Variants in AHI1 observed in about 807,000 individuals in gnomAD.
The protein encoded by AHI1 is Abelson helper integration site 1, also known as jouberin.
AHI1 carries 123 observed loss-of-function variants against 149.3 expected under a neutral mutation model. The observed-to-expected ratio is 0.82, with a 90% confidence interval of 0.71 to 0.96. The LOEUF is 0.96. Ranked by LOEUF, AHI1 falls within the 40% of genes least tolerant of loss-of-function variation. The pLI is 0.00. For synonymous variants in AHI1, 475 were observed against 459.8 expected, an observed-to-expected ratio of 1.03 and a Z score of -0.42; for missense variants, 1,439 against 1,422.7, an observed-to-expected ratio of 1.01 and a Z score of -0.18.
chr6:135,334,771 A>G (rs1215423425), intron 24 of AHI1, among the ~76,000 whole-genome samples: 1 of 152,226 alleles, frequency 6.6e-6, no homozygotes, highest in Non-Finnish European at 1.5e-5. Context: ...TCTGCTCACT[A>G]TAAAAAGAAA....
intron 10 of AHI1, among the ~76,000 whole-genome samples, chr6:135,454,162 GA>G (rs1237017118): frequency 6.6e-6 from 1 of 151,786 alleles, no homozygotes; most frequent in Non-Finnish European, 1.5e-5. Flanking sequence ...AAAATATATA[GA>G]TCCAAAGTAA....
chr6:135,354,345 T>C (rs1441606512), intron 24 of AHI1, among the ~76,000 whole-genome samples: 4 of 152,134 alleles, frequency 2.6e-5, no homozygotes, highest in Non-Finnish European at 5.9e-5. Flanking sequence ...AAAACAGTAC[T>C]CAAGACACTA....
At chr6:135,486,304 A>G (rs9385724) in intron 5 of AHI1, among the ~76,000 whole-genome samples, 128,108 of 152,106 alleles carry the variant, frequency 0.84, 55,621 homozygotes, top group East Asian at 0.97. Context: ...CTGTGGATTT[A>G]AATTTTCCTA....
chr6:135,456,077 T>C (rs1163401594), intron 9 of AHI1, among the ~76,000 whole-genome samples, 151 bp from the exon 10 acceptor site: 4 of 152,190 alleles, frequency 2.6e-5, no homozygotes, highest in African/African-American at 9.7e-5. Context: ...TCTAGAAACT[T>C]ACAAATTTTA....
chr6:135,426,485 T>C (rs1416504705), intron 20 of AHI1, among the ~76,000 whole-genome samples: 1 of 151,626 alleles, frequency 6.6e-6, no homozygotes, highest in Non-Finnish European at 1.5e-5. Flanking sequence ...TAACTTTCCA[T>C]AAGCAAATCA....
chr6:135,328,657 A>G (rs563997125), intron 24 of AHI1, among the ~76,000 whole-genome samples: 2 of 152,200 alleles, frequency 1.3e-5, no homozygotes, highest in East Asian at 3.9e-4. Flanking sequence ...AGGCCAATTA[A>G]TAACTCTATA....
At chr6:135,352,811 G>GT (rs61347819) in intron 24 of AHI1, among the ~76,000 whole-genome samples, 2,612 of 132,164 alleles carry the variant, frequency 0.02, 49 homozygotes, top group East Asian at 0.1. Context: ...TGTTTTGTGG[G>GT]TTTTTTTTTT....
chr6:135,373,969 CA>C (rs1190590215), intron 23 of AHI1, among the ~76,000 whole-genome samples: 1 of 151,094 alleles, frequency 6.6e-6, no homozygotes, highest in Non-Finnish European at 1.5e-5. Flanking sequence ...CTATATAGAA[CA>C]GAGATAGAAT....
intron 11 of AHI1, among the ~76,000 whole-genome samples, chr6:135,452,467 A>G (rs1360834986): frequency 6.6e-6 from 1 of 152,214 alleles, no homozygotes; most frequent in African/African-American, 2.4e-5. Flanking sequence ...TACCTAGACT[A>G]CTGTTAAGAA....
chr6:135,479,546 A>C (rs1406710841), intron 5 of AHI1, among the ~76,000 whole-genome samples: 1 of 152,222 alleles, frequency 6.6e-6, no homozygotes, highest in Non-Finnish European at 1.5e-5. Context: ...CATTTACCCA[A>C]ACCCTGTCCC....
rs142519355 is a variant in AHI1, at chr6:135,404,171, A to G, written c.2988+780T>C. Reference sequence around the variant, plus strand: ...AAATGAATAGACGTCTAATTATTCAACTGAATTTTGGGAGTGGACAGAAGA... The same window carrying G: ...AAATGAATAGACGTCTAATTATTCAGCTGAATTTTGGGAGTGGACAGAAGA... On this transcript the variant is annotated intron_variant, in intron 22 of 28. Coordinates refer to ENST00000265602, the MANE Select transcript of AHI1 (RefSeq NM_001134831.2). Among the ~76,000 whole-genome samples, 446 of 152,324 alleles carry G rather than the reference A, an allele frequency of 2.9e-3. 6 individuals are homozygous for G. The highest frequency in any genetic ancestry group is 0.014 in the Middle Eastern group (4 of 294).
In AHI1 at chr6:135,453,358, C is replaced by A; in HGVS notation, c.1423G>T (p.Ala475Ser). ...QNQECGFRKI[A>S]WAFLKLLGAN... is the part of the protein sequence containing the mutation. ...AAACATACCTTAAGAAATGCCCAGG[C>A]AATTTTCCGAAAGCCACATTCTTGG... Residue 475 changes from alanine (A) to serine (S), a missense_variant, in exon 11 of 29, where the codon GCC becomes TCC. Transcript: ENST00000265602. 1 of 1,560,960 alleles carries A rather than the reference C, an allele frequency of 6.4e-7. No individual in the cohort carries two copies. Among genetic ancestry groups the A allele is most frequent in the Non-Finnish European group, 8.7e-7 (1 of 1,151,186 alleles).
Position 135,442,691 on chromosome 6 carries a change from G to A in AHI1, c.1803C>T (p.His601=). The change falls in exon 14 of 29, where the codon CAC becomes CAT. Residue 601 remains histidine (H), a synonymous_variant. Coordinates refer to ENST00000265602, the MANE Select transcript of AHI1 (RefSeq NM_001134831.2). ...PGQACRIPNK[H]LFSLNAGERG... ...GTTCTCCTGCATTTAGTGAGAAGAGGTGTTTGTTTGGGATACGGCAAGCCT... is the reference window on the plus strand; with the variant it reads ...GTTCTCCTGCATTTAGTGAGAAGAGATGTTTGTTTGGGATACGGCAAGCCT... The A allele has an allele frequency of 6.2e-7, 1 of 1,610,878 alleles. No individual in the cohort carries two copies. The highest frequency in any genetic ancestry group is 1.1e-5 in the South Asian group (1 of 90,506).
At chr6:135,494,948 T>G (rs1007416963) in intron 3 of AHI1, among the ~76,000 whole-genome samples, 1 of 152,176 alleles carries the variant, frequency 6.6e-6, no homozygotes, top group Non-Finnish European at 1.5e-5. Flanking sequence ...AAGTCACGTG[T>G]GTCAAAGCTG....
intron 9 of AHI1, among the ~76,000 whole-genome samples, chr6:135,456,244 T>A (rs1315772038): frequency 6.6e-6 from 1 of 152,170 alleles, no homozygotes; most frequent in African/African-American, 2.4e-5. Flanking sequence ...TAAGAGTTTA[T>A]AATAAAATAG....
At chr6:135,340,672 TATATATATATATATATATA>T (rs1790212956) in intron 24 of AHI1, among the ~76,000 whole-genome samples, 1 of 131,506 alleles carries the variant, frequency 7.6e-6, no homozygotes, top group Non-Finnish European at 1.6e-5. Flanking sequence ...TATATATATA[TATATATATATATATATATA>T]TATATGTTTT....
chr6:135,413,738 TAA>T lies in AHI1; in HGVS notation c.2765-2196_2765-2195del, dbSNP rs11297517. On this transcript the variant is annotated intron_variant, in intron 20 of 28. Coordinates refer to ENST00000265602, the MANE Select transcript of AHI1 (RefSeq NM_001134831.2). Reference sequence around the variant, plus strand: ...GCAATTAAGAACCAAAAATTGAAATTAAAAAAAAAAATGCCATTTACTATGGC... The same window carrying T: ...GCAATTAAGAACCAAAAATTGAAATTAAAAAAAAATGCCATTTACTATGGC... Among the ~76,000 whole-genome samples the T allele has an allele frequency of 6.4e-4, 96 of 150,470 alleles. 1 individual carries two copies. The highest frequency in any genetic ancestry group is 1.4e-3 in the Admixed American group (21 of 15,108).
intron 23 of AHI1, among the ~76,000 whole-genome samples, chr6:135,364,022 C>A: frequency 1.4e-5 from 2 of 147,432 alleles, no homozygotes; most frequent in Non-Finnish European, 1.5e-5. Flanking sequence ...GGCGGCCGGG[C>A]AGAGGCGCCC....
intron 5 of AHI1, among the ~76,000 whole-genome samples, chr6:135,480,728 C>T (rs915527273): frequency 1.3e-5 from 2 of 152,086 alleles, no homozygotes; most frequent in Admixed American, 6.6e-5. Flanking sequence ...GTCCTCATGC[C>T]CCAGGCCTCA....
Sources: gnomAD v4.1 joint callset for allele counts (sites outside exome capture counted in the v4.1 genomes callset) on GRCh38, gnomAD v4.1.1 for gene constraint, MANE v1.5 for transcripts, NCBI Gene and HGNC (gene_info 2026-07-23, HGNC 2026-07-21) for gene names.